Variants in COL14A1 observed in about 807,000 individuals in gnomAD.
COL14A1 encodes the protein collagen alpha-1(XIV) chain.
COL14A1 carries 136 observed loss-of-function variants against 230.3 expected under a neutral mutation model. That is an observed-to-expected ratio of 0.59 (90% CI 0.51 to 0.68). The LOEUF is 0.68. Among genes scored for constraint, COL14A1 ranks in the 30% least tolerant of loss-of-function variants. The pLI, the probability that COL14A1 is intolerant of heterozygous loss-of-function variation, is 0.00. For missense variants in COL14A1, 1,976 were observed against 2,215.8 expected (o/e 0.89, Z 2.17); for synonymous variants, 792 against 784.1 (o/e 1.01, Z -0.17).
At chr8:120,209,280 T>C (rs1028034783) in intron 11 of COL14A1, among the ~76,000 whole-genome samples, 5 of 152,068 alleles carry the variant, frequency 3.3e-5, no homozygotes, top group Admixed American at 2.0e-4. Context: ...GGTGGGAGGA[T>C]TGCTTGAGCC....
In COL14A1 at chr8:120,332,685, G is replaced by T. The variant is rs1242420789; in HGVS notation, c.4735G>T (p.Val1579Phe). 3.1e-6 allele frequency: 5 copies of T among 1,613,276 alleles called. No individual in the cohort carries two copies. The South Asian group carries it at 5.5e-5, about 18-fold the overall frequency. ...CTAGGGCATTCCTGGCACCCCTGGA[G>T]TCCCAGGGATCACAGGAAGCATGGG... ...GPIGIPGTPG[V>F]PGITGSMGPQ... Residue 1579 changes from valine to phenylalanine, a missense_variant, in exon 42 of 48, where the codon GTC becomes TTC. Around this residue, in one of 3 missense-constraint regions of COL14A1, gnomAD observed 1,791 missense variants for 2,019.5 expected, o/e 0.89. Transcript: ENST00000297848.
intron 45 of COL14A1, among the ~76,000 whole-genome samples, chr8:120,365,316 G>C (rs1222556273): frequency 6.6e-6 from 1 of 152,170 alleles, no homozygotes; most frequent in African/African-American, 2.4e-5. Context: ...CCGTGAGGTC[G>C]TGAGAGGCCA....
chr8:120,189,838 T>C (rs2130676619), intron 5 of COL14A1, among the ~76,000 whole-genome samples: 1 of 152,282 alleles, frequency 6.6e-6, no homozygotes, highest in Middle Eastern at 3.4e-3. Flanking sequence ...GGCTGTATAG[T>C]ATTCCATGAT....
chr8:120,334,585 A>AAC (rs3054171), intron 42 of COL14A1, among the ~76,000 whole-genome samples: 3,061 of 144,764 alleles, frequency 0.021, 34 homozygotes, highest in Middle Eastern at 0.024. Context: ...CACACACAAA[A>AAC]ACACACACAC....
intron 1 of COL14A1, among the ~76,000 whole-genome samples, chr8:120,131,838 C>CTTTTTTT (rs1172286717): frequency 2.9e-5 from 2 of 68,950 alleles, no homozygotes; most frequent in African/African-American, 1.1e-4. Context: ...TTCTTCCTTT[C>CTTTTTTT]TTTTTTTTTT....
intron 19 of COL14A1, among the ~76,000 whole-genome samples, chr8:120,239,781 G>T (rs13259022): frequency 6.6e-6 from 1 of 151,034 alleles, no homozygotes; most frequent in South Asian, 2.1e-4. Context: ...AATGAGACCC[G>T]TGGAAACTTC....
chr8:120,346,241 G>T (rs537107427), intron 45 of COL14A1, among the ~76,000 whole-genome samples: 35 of 152,264 alleles, frequency 2.3e-4, no homozygotes, highest in African/African-American at 8.2e-4. Context: ...ACATCTACAG[G>T]TCTTAGAAGT....
rs1812174501 is a variant in COL14A1, at chr8:120,372,072, C to T, written c.*841C>T. The T allele has an allele frequency of 6.5e-6, 1 of 154,530 alleles. No individual in the cohort carries two copies. The highest frequency in any genetic ancestry group is 6.5e-5 in the Admixed American group (1 of 15,360). The allele number at this position is 154,530 out of a possible 1,614,324, so 9.6% of individuals were successfully genotyped here. On this transcript the variant is annotated 3_prime_UTR_variant, in exon 48 of 48. Transcript: ENST00000297848. The stretch of plus-strand genomic sequence containing the variant: ...CTTTTTCCTGCATTTCTAAGTATCA[C>T]CTTAAGCTTTTGTAGTCTTAACTGA...
chr8:120,331,510 T>G (rs1011700339), intron 40 of COL14A1, among the ~76,000 whole-genome samples: 27 of 152,202 alleles, frequency 1.8e-4, no homozygotes, highest in African/African-American at 6.5e-4. Context: ...TACCTATATA[T>G]TCTATAATTG....
chr8:120,279,790 C>A, intron 28 of COL14A1, 145 bp from the exon 29 acceptor site: 1 of 760,090 alleles, frequency 1.3e-6, no homozygotes, highest in Admixed American at 3.1e-5. Context: ...ATGCAGAACT[C>A]TGATGAACTG....
chr8:120,128,962 G>A (rs1814439336), intron 1 of COL14A1, among the ~76,000 whole-genome samples: 1 of 152,106 alleles, frequency 6.6e-6, no homozygotes, highest in Admixed American at 6.6e-5. Context: ...CCCATTATTG[G>A]ATAAAGATCT....
intron 4 of COL14A1, among the ~76,000 whole-genome samples, chr8:120,166,610 A>G (rs1352381705): frequency 1.3e-5 from 2 of 152,150 alleles, no homozygotes; most frequent in Non-Finnish European, 2.9e-5. Flanking sequence ...TGTTTTAGAA[A>G]ATGCAAGTAA....
rs191205292 is a variant in COL14A1 at position 120,339,913 on chromosome 8, C to T, written c.4786-1412C>T. ...ATTAGCCGGATGTGGTGGCACGCACCTGTAGTCTCAGCTACTCAGGAGGCT... is the reference window on the plus strand; with the variant it reads ...ATTAGCCGGATGTGGTGGCACGCACTTGTAGTCTCAGCTACTCAGGAGGCT... On this transcript the variant is annotated intron_variant, in intron 42 of 47. Transcript: ENST00000297848. Among the ~76,000 whole-genome samples, 112 of 152,092 alleles carry T rather than the reference C, an allele frequency of 7.4e-4. No homozygotes were observed. In the East Asian group the frequency reaches 0.018, roughly 25 times the overall value.
intron 47 of COL14A1, among the ~76,000 whole-genome samples, chr8:120,369,734 C>T (rs1823524925): frequency 1.3e-5 from 2 of 152,152 alleles, no homozygotes; most frequent in Admixed American, 1.3e-4. Context: ...TCCTTGCTTC[C>T]CAGTGATGAC....
At chr8:120,350,239 A>G (rs955121240) in intron 45 of COL14A1, among the ~76,000 whole-genome samples, 10 of 152,220 alleles carry the variant, frequency 6.6e-5, no homozygotes, top group African/African-American at 9.6e-5. Context: ...GAAGGAAGCA[A>G]TAAACATGGA....
At chr8:120,160,872 AAC>A (rs1815643031) in intron 3 of COL14A1, among the ~76,000 whole-genome samples, 1 of 152,212 alleles carries the variant, frequency 6.6e-6, no homozygotes, top group African/African-American at 2.4e-5. Flanking sequence ...TGCTGGTTTA[AAC>A]AGAGTTTAAA....
At chr8:120,141,880 T>A (rs1001808185) in intron 1 of COL14A1, among the ~76,000 whole-genome samples, 2 of 152,162 alleles carry the variant, frequency 1.3e-5, no homozygotes, top group African/African-American at 4.8e-5. Flanking sequence ...GGGTATCTTT[T>A]AACATTTTTT....
intron 38 of COL14A1, among the ~76,000 whole-genome samples, chr8:120,314,335 G>A (rs1435111322): frequency 6.6e-6 from 1 of 151,128 alleles, no homozygotes; most frequent in Non-Finnish European, 1.5e-5. Context: ...TAATGGATGT[G>A]ATAACATTCA....
intron 33 of COL14A1, 60 bp downstream of exon 33, chr8:120,286,030 TAA>T: frequency 2.0e-6 from 2 of 986,828 alleles, no homozygotes; most frequent in South Asian, 2.8e-5. Flanking sequence ...CAAAGCCATT[TAA>T]AAACAATTCC....
Sources: gnomAD v4.1 joint callset for allele counts (sites outside exome capture counted in the v4.1 genomes callset) on GRCh38, gnomAD v4.1.1 for gene constraint, gnomAD v4.1.1 regional missense constraint, MANE v1.5 for transcripts, NCBI Gene and HGNC (gene_info 2026-07-23, HGNC 2026-07-21) for gene names.